The following DNAH11 variants were observed in gnomAD, a reference collection of about 807,000 sequenced individuals.
The protein encoded by DNAH11 is axonemal beta dynein heavy chain 11.
In DNAH11, 442 loss-of-function variants were observed where a neutral mutation model predicts 526.0. The observed-to-expected ratio is 0.84, with a 90% CI of 0.78 to 0.91. The LOEUF (loss-of-function observed/expected upper bound fraction) is 0.91, where lower values mean the gene tolerates loss of function less well. DNAH11 is among the 40% of genes least tolerant of loss of function. The pLI is 0.00. For missense variants in DNAH11, 6,989 were observed against 5,448.7 expected, an observed-to-expected ratio of 1.28 and a Z score of -8.90; for synonymous variants, 2,461 against 1,935.9, an observed-to-expected ratio of 1.27 and a Z score of -7.12.
intron 30 of DNAH11, among the ~76,000 whole-genome samples, chr7:21,680,406 G>A (rs1282586153): frequency 6.6e-6 from 1 of 152,146 alleles, no homozygotes; most frequent in African/African-American, 2.4e-5. Context: ...TGTAAATAAG[G>A]CTTGAGTAAG....
At chr7:21,741,729 A>G (rs1384106360) in intron 48 of DNAH11, among the ~76,000 whole-genome samples, 198 bp from the exon 49 acceptor site, 1 of 152,208 alleles carries the variant, frequency 6.6e-6, no homozygotes, top group Non-Finnish European at 1.5e-5. Flanking sequence ...ACCTCTGACA[A>G]CGAGTGGCAC....
chr7:21,751,420 T>C (rs922245089), intron 54 of DNAH11, among the ~76,000 whole-genome samples: 2 of 152,122 alleles, frequency 1.3e-5, no homozygotes, highest in Non-Finnish European at 2.9e-5. Flanking sequence ...CATAGGCAGA[T>C]AATATAACCA....
At chr7:21,629,074 C>T (rs918591782) in intron 25 of DNAH11, among the ~76,000 whole-genome samples, 1 of 151,974 alleles carries the variant, frequency 6.6e-6, no homozygotes, top group Non-Finnish European at 1.5e-5. Flanking sequence ...CTGGCTTTTA[C>T]TGTATCACAT....
At chr7:21,764,310 G>A (rs970835477) in intron 54 of DNAH11, among the ~76,000 whole-genome samples, 1 of 152,072 alleles carries the variant, frequency 6.6e-6, no homozygotes, top group African/African-American at 2.4e-5. Flanking sequence ...ACGTATGCTG[G>A]AATTTTTTAT....
At position 21,601,807 on chromosome 7, in the gene DNAH11, G is replaced by A. The variant is rs141961129; in HGVS notation, c.3648+189G>A. ...TAACTTTCTCAAGGTCATGCAAATAGTAAAGCCAGCCAACACTCTCGGTGT... is the reference window on the plus strand; with the variant it reads ...TAACTTTCTCAAGGTCATGCAAATAATAAAGCCAGCCAACACTCTCGGTGT... On this transcript the variant is annotated intron_variant, in intron 18 of 81. Coordinates refer to ENST00000409508, the MANE Select transcript of DNAH11 (RefSeq NM_001277115.2). Among the ~76,000 whole-genome samples, 15 of 151,968 alleles carry A rather than the reference G, an allele frequency of 9.9e-5. No homozygotes were observed. In the East Asian group the frequency reaches 1.7e-3, roughly 18 times the overall value.
chr7:21,748,197 A>G (rs1483129723), intron 51 of DNAH11, among the ~76,000 whole-genome samples: 3 of 152,120 alleles, frequency 2.0e-5, no homozygotes, highest in African/African-American at 7.2e-5. Flanking sequence ...AACAAAACAG[A>G]CCCAGGCCAG....
At chr7:21,554,312 T>G (rs531155982) in intron 2 of DNAH11, among the ~76,000 whole-genome samples, 1 of 152,148 alleles carries the variant, frequency 6.6e-6, no homozygotes, top group Admixed American at 6.5e-5. Context: ...TAGCTGAGAT[T>G]ACAGGTGCGT....
At chr7:21,624,686 T>C (rs1786248013) in intron 25 of DNAH11, among the ~76,000 whole-genome samples, 2 of 152,214 alleles carry the variant, frequency 1.3e-5, no homozygotes, top group Non-Finnish European at 1.5e-5. Context: ...CTGTGTGCTT[T>C]TCATGTTCAG....
At chr7:21,741,854 A>T in intron 48 of DNAH11, 73 bp from the exon 49 acceptor site, 2 of 1,542,122 alleles carry the variant, frequency 1.3e-6, no homozygotes, top group Non-Finnish European at 1.8e-6. Flanking sequence ...GGAGGAGTGA[A>T]AAAAAATCAG....
intron 74 of DNAH11, among the ~76,000 whole-genome samples, chr7:21,879,451 CAAA>C (rs1200601542): frequency 6.6e-6 from 1 of 150,834 alleles, no homozygotes; most frequent in East Asian, 2.0e-4. Flanking sequence ...CTCAAAAAAA[CAAA>C]AAACAAATAA....
chr7:21,880,331 T>C (rs1186032462), intron 74 of DNAH11, among the ~76,000 whole-genome samples: 1 of 152,130 alleles, frequency 6.6e-6, no homozygotes, highest in Non-Finnish European at 1.5e-5. Context: ...CCAACCGTAA[T>C]AGCATTCTAC....
intron 61 of DNAH11, among the ~76,000 whole-genome samples, chr7:21,791,025 C>T (rs1055036267): frequency 6.6e-6 from 1 of 152,178 alleles, no homozygotes; most frequent in Admixed American, 6.5e-5. Context: ...CCTGTTATGG[C>T]CTCAGCTCAG....
In DNAH11 at chr7:21,899,834, A is replaced by C. The variant is rs988547863; in HGVS notation, c.13163-146A>C. On this transcript the variant is annotated intron_variant, in intron 80 of 81. Transcript: ENST00000409508. ...TTGTCCTGCAGGCCTTAGTTGGCCA[A>C]CCCCCTGCTCCAGCGCAGCCATGTG... The C allele has an allele frequency of 6.8e-5, 66 of 970,856 alleles. No homozygotes were observed. In the African/African-American group the frequency reaches 7.6e-4, roughly 11 times the overall value. The allele number at this position is 970,856 out of a possible 1,614,324, so 60.1% of individuals were successfully genotyped here.
At position 21,854,528 on chromosome 7, in the gene DNAH11, TTTA is replaced by T. The variant is rs557494015; in HGVS notation, c.11202+79_11202+81del. 339 of 1,390,876 alleles carry T rather than the reference TTTA, an allele frequency of 2.4e-4. 3 individuals carry two copies. The African/African-American group carries it at 4.5e-3, about 18-fold the overall frequency. The allele number at this position is 1,390,876 out of a possible 1,614,324, so 86.2% of individuals were successfully genotyped here. A position where few individuals can be genotyped will look rare whatever the true frequency, so the allele number is the denominator to read the frequency against. On this transcript the variant is annotated intron_variant, in intron 68 of 81. Coordinates refer to ENST00000409508, the MANE Select transcript of DNAH11 (RefSeq NM_001277115.2). The stretch of plus-strand genomic sequence containing the variant: ...TTGTTTCTGGAACATTGGAATTTAT[TTTA>T]TTATTGATAATAATAATAACTATTA...
intron 45 of DNAH11, among the ~76,000 whole-genome samples, chr7:21,731,663 T>G (rs1183637393): frequency 6.6e-6 from 1 of 152,248 alleles, no homozygotes; most frequent in Non-Finnish European, 1.5e-5. Flanking sequence ...GGTTTTGGTT[T>G]GGTCAACATT....
chr7:21,775,543 A>G (rs919438607), intron 56 of DNAH11, among the ~76,000 whole-genome samples: 1 of 152,050 alleles, frequency 6.6e-6, no homozygotes, highest in East Asian at 1.9e-4. Flanking sequence ...CCTTGAGCCC[A>G]AGAGTTTGAG....
intron 62 of DNAH11, among the ~76,000 whole-genome samples, chr7:21,801,620 CCTTT>C (rs1361598549): frequency 6.6e-6 from 1 of 152,116 alleles, no homozygotes; most frequent in Non-Finnish European, 1.5e-5. Context: ...TTTCTCTCTT[CCTTT>C]CTTTCTTACC....
At chr7:21,808,316 C>A (rs1789362124) in intron 63 of DNAH11, among the ~76,000 whole-genome samples, 1 of 152,068 alleles carries the variant, frequency 6.6e-6, no homozygotes, top group South Asian at 2.1e-4. Flanking sequence ...TACCTGTATA[C>A]AATGTGTAAT....
chr7:21,864,711 C>G, intron 70 of DNAH11, 54 bp downstream of exon 70: 1 of 1,504,918 alleles, frequency 6.6e-7, no homozygotes, highest in South Asian at 1.4e-5. Context: ...AATATTAGCT[C>G]TCTCCAGTGT....
Sources: allele counts gnomAD v4.1 joint callset (sites outside exome capture counted in the v4.1 genomes callset), GRCh38; gene constraint gnomAD v4.1.1; transcripts MANE v1.5; gene names NCBI Gene and HGNC (gene_info 2026-07-23, HGNC 2026-07-21).